Variants in NCAM2 observed in about 807,000 individuals in gnomAD.
NCAM2 encodes the protein neural cell adhesion molecule 2, also known as N-CAM-2.
A neutral mutation model predicts 98.1 loss-of-function variants in NCAM2; 30 were observed. The observed-to-expected ratio is 0.31, with a 90% CI of 0.23 to 0.41. The LOEUF is 0.41. NCAM2 is among the 10% of genes least tolerant of loss of function. The pLI is 1.00. For synonymous variants in NCAM2, 368 were observed against 342.4 expected (o/e 1.07, Z -0.83); for missense variants, 867 against 1,005.8 (o/e 0.86, Z 1.87).
chr21:21,210,087 C>T (rs1487725006), intron 1 of NCAM2, among the ~76,000 whole-genome samples: 1 of 152,082 alleles, frequency 6.6e-6, no homozygotes, highest in Non-Finnish European at 1.5e-5. Context: ...CTTTTCATGC[C>T]ATGAAATAAT....
Position 21,041,385 on chromosome 21 carries a change from G to A in NCAM2, c.55+42767G>A, listed in dbSNP as rs114503233. 9.6e-3 allele frequency among the ~76,000 whole-genome samples: 1,462 copies of A among 152,258 alleles called. 19 individuals carry two copies. Among genetic ancestry groups the A allele is most frequent in the African/African-American group, 0.034 (1,404 of 41,548 alleles). Reference sequence around the variant, plus strand: ...GTATAAGTAGCTGATTTTAAATAAAGCAACTATATAGGGTGCTGGTGACAG... The same window carrying A: ...GTATAAGTAGCTGATTTTAAATAAAACAACTATATAGGGTGCTGGTGACAG... On this transcript the variant is annotated intron_variant, in intron 1 of 17. Transcript: ENST00000400546.
At chr21:21,462,089 C>A (rs551663424) in intron 12 of NCAM2, among the ~76,000 whole-genome samples, 3 of 152,002 alleles carry the variant, frequency 2.0e-5, no homozygotes, top group African/African-American at 7.2e-5. Flanking sequence ...ACTTGAGGGA[C>A]TTCACTGTGT....
intron 1 of NCAM2, among the ~76,000 whole-genome samples, chr21:21,071,865 GTCTGCCTA>G (rs901573764): frequency 3.7e-5 from 5 of 136,760 alleles, no homozygotes; most frequent in African/African-American, 1.1e-4. Context: ...TATTTGTCAT[GTCTGCCTA>G]TCTATCTATC....
At chr21:21,466,433 T>A (rs1983687046) in intron 12 of NCAM2, among the ~76,000 whole-genome samples, 173 bp from the exon 13 acceptor site, 1 of 151,988 alleles carries the variant, frequency 6.6e-6, no homozygotes, top group Non-Finnish European at 1.5e-5. Flanking sequence ...TATTCACAAA[T>A]CAGTTTCTTC....
intron 1 of NCAM2, among the ~76,000 whole-genome samples, chr21:21,205,920 C>T (rs1568767050): frequency 6.6e-6 from 1 of 152,080 alleles, no homozygotes. Flanking sequence ...GTTCTAATCC[C>T]ATTCATGAAA....
intron 9 of NCAM2, among the ~76,000 whole-genome samples, chr21:21,401,025 G>T (rs796455696): frequency 7.9e-4 from 120 of 152,128 alleles, no homozygotes; most frequent in African/African-American, 2.7e-3. Flanking sequence ...AGAAAAAAAG[G>T]CCAAACTTAA....
In NCAM2 at chr21:21,262,393, G is replaced by C. The variant is rs142262230; in HGVS notation, c.56-18185G>C. ...TTACCCTGATACCAAAATCTGACAA[G>C]AACACACACACACCAAAGAGAAAAC... On this transcript the variant is annotated intron_variant, in intron 1 of 17. Coordinates refer to ENST00000400546, the MANE Select transcript of NCAM2 (RefSeq NM_004540.5). Among the ~76,000 whole-genome samples, 329 of 151,800 alleles carry C rather than the reference G, an allele frequency of 2.2e-3. 3 individuals are homozygous for C. Among genetic ancestry groups the C allele is most frequent in the African/African-American group, 7.2e-3 (300 of 41,454 alleles).
At chr21:21,444,458 G>A (rs144050342) in intron 12 of NCAM2, among the ~76,000 whole-genome samples, 3,910 of 146,210 alleles carry the variant, frequency 0.027, 68 homozygotes, top group Admixed American at 0.055. Flanking sequence ...AATCTGTCTG[G>A]TCCTGGGCTT....
intron 1 of NCAM2, among the ~76,000 whole-genome samples, chr21:21,114,510 T>A (rs978802882): frequency 6.6e-6 from 1 of 152,232 alleles, no homozygotes; most frequent in Non-Finnish European, 1.5e-5. Flanking sequence ...GTTAATGTTC[T>A]GCCATAGGAA....
intron 8 of NCAM2, among the ~76,000 whole-genome samples, chr21:21,358,803 T>C (rs894549981): frequency 2.0e-5 from 3 of 152,052 alleles, no homozygotes; most frequent in Non-Finnish European, 2.9e-5. Context: ...CATCCCCTTA[T>C]TCTGTAAGTC....
chr21:21,533,185 T>G (rs1461618336), intron 16 of NCAM2, among the ~76,000 whole-genome samples: 4 of 149,130 alleles, frequency 2.7e-5, no homozygotes, highest in African/African-American at 9.8e-5. Flanking sequence ...TTTTTGGTAA[T>G]CCTAGTGTAT....
rs185575375 is a variant in NCAM2, at chr21:21,261,287, T to C, written c.56-19291T>C. On this transcript the variant is annotated intron_variant, in intron 1 of 17. Coordinates refer to ENST00000400546, the MANE Select transcript of NCAM2 (RefSeq NM_004540.5). The stretch of plus-strand genomic sequence containing the variant: ...GGACCCCACTTACATCTCTAGATCA[T>C]CAAGGCAGAAAACTAACAAGAAAAT... 1.4e-4 allele frequency among the ~76,000 whole-genome samples: 22 copies of C among 152,254 alleles called. No individual in the cohort carries two copies. In the East Asian group the frequency reaches 4.3e-3, roughly 29 times the overall value.
At chr21:21,012,593 T>G (rs537027332) in intron 1 of NCAM2, among the ~76,000 whole-genome samples, 10 of 152,312 alleles carry the variant, frequency 6.6e-5, no homozygotes, top group African/African-American at 2.4e-4. Flanking sequence ...AAACTTGTCT[T>G]CAGCAACTCA....
intron 1 of NCAM2, among the ~76,000 whole-genome samples, chr21:21,106,345 G>A (rs972277316): frequency 8.0e-6 from 1 of 125,294 alleles, no homozygotes; most frequent in Non-Finnish European, 1.7e-5. Context: ...AGCCAAATAT[G>A]ATTATTTCTG....
At position 21,152,763 on chromosome 21, in the gene NCAM2, A is replaced by C. The variant is rs79581131; in HGVS notation, c.56-127815A>C. ...AGTTCTGGTAGCGTTCCAGTTTACC[A>C]CTCTCCAGTAGTTGTTGTTTCCCTC... On this transcript the variant is annotated intron_variant, in intron 1 of 17. Transcript: ENST00000400546. Among the ~76,000 whole-genome samples the C allele has an allele frequency of 5.1e-3, 770 of 151,800 alleles. 6 individuals carry two copies. The highest frequency in any genetic ancestry group is 8.4e-3 in the Non-Finnish European group (568 of 67,820).
intron 12 of NCAM2, among the ~76,000 whole-genome samples, chr21:21,443,729 G>C (rs773670224): frequency 6.6e-5 from 10 of 152,070 alleles, no homozygotes; most frequent in Non-Finnish European, 1.3e-4. Context: ...TCTGTAGGAG[G>C]ACCTATAGAT....
intron 15 of NCAM2, among the ~76,000 whole-genome samples, chr21:21,506,888 T>G (rs994566771): frequency 8.5e-5 from 13 of 152,126 alleles, no homozygotes; most frequent in African/African-American, 3.1e-4. Flanking sequence ...AAAATTATAC[T>G]TGCTTGGACA....
intron 5 of NCAM2, among the ~76,000 whole-genome samples, chr21:21,321,279 CTTGT>C (rs1000211331): frequency 5.3e-5 from 8 of 151,922 alleles, no homozygotes; most frequent in Middle Eastern, 3.2e-3. Flanking sequence ...TTCTTGTTGA[CTTGT>C]TTAAGTTCCT....
rs537790840 is a variant in NCAM2 at position 21,437,028 on chromosome 21, T to G, written c.1654+4747T>G. ...GAGCTCAGGCAATCTACCTGCCTCA[T>G]CCTCCCAAAGTGCTGGGATTACAGG... On this transcript the variant is annotated intron_variant, in intron 12 of 17. Coordinates refer to ENST00000400546, the MANE Select transcript of NCAM2 (RefSeq NM_004540.5). 4.3e-4 allele frequency among the ~76,000 whole-genome samples: 66 copies of G among 151,970 alleles called. 1 individual carries two copies. The South Asian group carries it at 0.011, about 25-fold the overall frequency.
Sources: gnomAD v4.1 joint callset for allele counts (sites outside exome capture counted in the v4.1 genomes callset) on GRCh38, gnomAD v4.1.1 for gene constraint, MANE v1.5 for transcripts, NCBI Gene and HGNC (gene_info 2026-07-23, HGNC 2026-07-21) for gene names.